NRG1: variants seen among roughly 807,000 people sequenced by gnomAD.
The protein encoded by NRG1 is pro-neuregulin-1, membrane-bound isoform.
NRG1 carries 18 observed loss-of-function variants against 63.8 expected under a neutral mutation model. The observed-to-expected ratio is 0.28, with a 90% confidence interval of 0.19 to 0.42. The LOEUF is 0.42. NRG1 is among the 10% of genes least tolerant of loss of function. The probability of loss-of-function intolerance (pLI) is 1.00; values close to 1 mark genes in which losing one functional copy is unlikely to be tolerated. For synonymous variants in NRG1, 302 were observed against 301.3 expected, an observed-to-expected ratio of 1.00 and a Z score of -0.02; for missense variants, 762 against 814.7, an observed-to-expected ratio of 0.94 and a Z score of 0.79.
intron 1 of NRG1, among the ~76,000 whole-genome samples, chr8:32,346,969 A>T (rs1176979229): frequency 6.6e-6 from 1 of 152,042 alleles, no homozygotes; most frequent in East Asian, 1.9e-4. Context: ...AGCTGGGACT[A>T]CAGGCTCCTG....
intron 1 of NRG1, among the ~76,000 whole-genome samples, chr8:32,051,096 C>G (rs543600745): frequency 6.6e-6 from 1 of 152,064 alleles, no homozygotes; most frequent in East Asian, 1.9e-4. Context: ...TCACGACTTA[C>G]CAAAGATGCC....
At chr8:32,565,442 G>A (rs1256312765) in intron 1 of NRG1, among the ~76,000 whole-genome samples, 1 of 152,090 alleles carries the variant, frequency 6.6e-6, no homozygotes, top group East Asian at 1.9e-4. Flanking sequence ...CTAAAAGTAC[G>A]TTGGACCTTC....
chr8:32,646,738 A>C (rs1853631471), intron 5 of NRG1: 1 of 985,308 alleles, frequency 1.0e-6, no homozygotes, highest in African/African-American at 1.7e-5. Context: ...ACTAGGCTTA[A>C]CTGATGCCTG....
chr8:32,489,850 A>C (rs1826344630), intron 1 of NRG1, among the ~76,000 whole-genome samples: 1 of 152,186 alleles, frequency 6.6e-6, no homozygotes. Flanking sequence ...AGAACATTGT[A>C]TTTGGAGTCT....
intron 1 of NRG1, among the ~76,000 whole-genome samples, chr8:32,301,633 T>C (rs13257892): frequency 0.3 from 45,063 of 152,006 alleles, 7,746 homozygotes; most frequent in South Asian, 0.45. Context: ...ACAATCATGG[T>C]GAAAGTCAAG....
intron 5 of NRG1, among the ~76,000 whole-genome samples, chr8:32,697,934 A>G (rs1282718766): frequency 6.6e-6 from 1 of 152,126 alleles, no homozygotes; most frequent in Non-Finnish European, 1.5e-5. Flanking sequence ...ATGGCCAGGC[A>G]TGGTGGTTCA....
At chr8:32,302,177 C>A (rs550721816) in intron 1 of NRG1, among the ~76,000 whole-genome samples, 2 of 152,228 alleles carry the variant, frequency 1.3e-5, no homozygotes, top group East Asian at 3.9e-4. Flanking sequence ...CTTGGGGGTG[C>A]AGGAATTCCC....
At chr8:32,012,817 A>G (rs2129985900) in intron 1 of NRG1, among the ~76,000 whole-genome samples, 1 of 152,270 alleles carries the variant, frequency 6.6e-6, no homozygotes, top group East Asian at 1.9e-4. Context: ...TTATTATTAC[A>G]TAACAGAGAT....
intron 1 of NRG1, among the ~76,000 whole-genome samples, chr8:32,558,164 G>A (rs6989777): frequency 0.2 from 30,349 of 152,112 alleles, 3,867 homozygotes; most frequent in Admixed American, 0.33. Context: ...TGGCCTCTAC[G>A]GAGTCATCGC....
intron 1 of NRG1, among the ~76,000 whole-genome samples, chr8:32,163,351 A>C (rs1006764287): frequency 1.3e-5 from 2 of 152,230 alleles, no homozygotes; most frequent in Admixed American, 6.5e-5. Context: ...GCAGGAGCCC[A>C]CAAGACTACG....
intron 1 of NRG1, among the ~76,000 whole-genome samples, chr8:31,743,782 G>A (rs1450281786): frequency 2.6e-5 from 4 of 151,822 alleles, no homozygotes; most frequent in Non-Finnish European, 5.9e-5. Context: ...TTTTTCATCT[G>A]CCCAGAATAA....
At chr8:32,516,313 C>T (rs187574744) in intron 1 of NRG1, among the ~76,000 whole-genome samples, 27 of 152,110 alleles carry the variant, frequency 1.8e-4, no homozygotes, top group South Asian at 4.1e-4. Context: ...CATTACCATG[C>T]TGTTTTTGTT....
At chr8:32,385,325 G>C (rs1810875924) in intron 1 of NRG1, among the ~76,000 whole-genome samples, 1 of 152,060 alleles carries the variant, frequency 6.6e-6, no homozygotes, top group Non-Finnish European at 1.5e-5. Context: ...GCGCCTGGCT[G>C]GCCTCTCTTT....
rs575108286 is a variant in NRG1 at position 32,443,012 on chromosome 8, G to T, written c.38-152816G>T. Among the ~76,000 whole-genome samples, 7 of 151,452 alleles carry T rather than the reference G, an allele frequency of 4.6e-5. No homozygotes were observed. The South Asian group carries it at 1.5e-3, about 32-fold the overall frequency. On this transcript the variant is annotated intron_variant, in intron 1 of 10. Coordinates refer to the NRG1 transcript ENST00000519301. ...TGATGTGATTATAACTCATTGCATT[G>T]CAATCTTGACCCCCTGGGCTCAAGC...
At chr8:32,423,537 C>T (rs761530161) in intron 1 of NRG1, among the ~76,000 whole-genome samples, 9 of 151,996 alleles carry the variant, frequency 5.9e-5, no homozygotes, top group African/African-American at 1.2e-4. Flanking sequence ...CCCAGCTACC[C>T]GAGAAGCTAA....
chr8:31,655,604 A>G (rs76579750), intron 1 of NRG1, among the ~76,000 whole-genome samples: 3 of 152,226 alleles, frequency 2.0e-5, no homozygotes, highest in Non-Finnish European at 1.5e-5. Context: ...TCCAGATTTT[A>G]TCTTAAAAAC....
Position 32,731,407 on chromosome 8 carries a change from C to CTT in NRG1, c.632+3340_632+3341dup, listed in dbSNP as rs10673810. On this transcript the variant is annotated intron_variant, in intron 6 of 11. Transcript: ENST00000356819. Reference sequence around the variant, plus strand: ...GCCTTCTAGTTCTAAGAAATTACACCTTTTTTTTTTTTGTAATTAGGATCT... The same window carrying CTT: ...GCCTTCTAGTTCTAAGAAATTACACCTTTTTTTTTTTTTTGTAATTAGGATCT... Among the ~76,000 whole-genome samples, 500 of 146,578 alleles carry CTT rather than the reference C, an allele frequency of 3.4e-3. 5 individuals are homozygous for CTT. Among genetic ancestry groups the CTT allele is most frequent in the African/African-American group, 9.3e-3 (372 of 40,174 alleles).
intron 1 of NRG1, among the ~76,000 whole-genome samples, chr8:31,807,459 T>C (rs190256047): frequency 6.6e-6 from 1 of 152,252 alleles, no homozygotes; most frequent in African/African-American, 2.4e-5. Context: ...ATCACAGTGC[T>C]TGATCATAGA....
At chr8:32,195,655 C>T (rs547818828) in intron 1 of NRG1, among the ~76,000 whole-genome samples, 45 of 152,202 alleles carry the variant, frequency 3.0e-4, no homozygotes, top group African/African-American at 1.1e-3. Context: ...AAAAGCATGG[C>T]AATATCAGGC....
Sources: gnomAD v4.1 joint callset for allele counts (sites outside exome capture counted in the v4.1 genomes callset) on GRCh38, gnomAD v4.1.1 for gene constraint, MANE v1.5 for transcripts, NCBI Gene and HGNC (gene_info 2026-07-23, HGNC 2026-07-21) for gene names.